The following UBE2E2 variants were observed in gnomAD, a reference collection of about 807,000 sequenced individuals.
UBE2E2 encodes the protein ubiquitin conjugating enzyme E2 E2.
In UBE2E2, 6 loss-of-function variants were observed where a neutral mutation model predicts 24.7. That is an observed-to-expected ratio of 0.24 (90% CI 0.13 to 0.48). The LOEUF (loss-of-function observed/expected upper bound fraction) is 0.48, where lower values mean the gene tolerates loss of function less well. UBE2E2 is among the 20% of genes least tolerant of loss of function. The pLI, the probability that UBE2E2 is intolerant of heterozygous loss-of-function variation, is 0.99. For missense variants in UBE2E2, 169 were observed against 245.0 expected, an observed-to-expected ratio of 0.69 and a Z score of 2.07; for synonymous variants, 104 against 83.6, an observed-to-expected ratio of 1.24 and a Z score of -1.33.
At chr3:23,325,315 A>G (rs1165316376) in intron 3 of UBE2E2, among the ~76,000 whole-genome samples, 2 of 152,182 alleles carry the variant, frequency 1.3e-5, no homozygotes, top group Admixed American at 1.3e-4. Flanking sequence ...AAATAAAAAC[A>G]TTCAATTTGT....
intron 3 of UBE2E2, among the ~76,000 whole-genome samples, chr3:23,415,060 G>A (rs1575614134): frequency 1.3e-5 from 2 of 152,196 alleles, no homozygotes; most frequent in Non-Finnish European, 2.9e-5. Flanking sequence ...TTGCTAGATA[G>A]TTCTCCTTCC....
At chr3:23,531,247 C>T (rs751928976) in intron 4 of UBE2E2, among the ~76,000 whole-genome samples, 13 of 152,156 alleles carry the variant, frequency 8.5e-5, no homozygotes, top group Non-Finnish European at 1.6e-4. Flanking sequence ...CTGCAGAGAT[C>T]TGCATGTGTG....
chr3:23,210,924 CACT>C (rs1485520145), intron 2 of UBE2E2, among the ~76,000 whole-genome samples: 1 of 152,178 alleles, frequency 6.6e-6, no homozygotes, highest in Non-Finnish European at 1.5e-5. Context: ...AATGCGGCTT[CACT>C]ACTAATTTTT....
At chr3:23,324,592 T>C (rs1054430222) in intron 3 of UBE2E2, among the ~76,000 whole-genome samples, 1 of 152,174 alleles carries the variant, frequency 6.6e-6, no homozygotes, top group Non-Finnish European at 1.5e-5. Flanking sequence ...ATTTGTTAGC[T>C]GATTTCTTAA....
chr3:23,418,740 C>T (rs558125105), intron 3 of UBE2E2, among the ~76,000 whole-genome samples: 9 of 152,184 alleles, frequency 5.9e-5, no homozygotes, highest in South Asian at 2.1e-4. Flanking sequence ...AATATTTAGA[C>T]GCTGTGACTC....
At chr3:23,385,230 C>A (rs535023647) in intron 3 of UBE2E2, among the ~76,000 whole-genome samples, 4 of 152,164 alleles carry the variant, frequency 2.6e-5, no homozygotes, top group African/African-American at 9.7e-5. Flanking sequence ...TGTTTGCAAG[C>A]GATTGTTTTA....
chr3:23,424,570 A>T (rs1257629391), intron 3 of UBE2E2, among the ~76,000 whole-genome samples: 1 of 152,112 alleles, frequency 6.6e-6, no homozygotes, highest in Non-Finnish European at 1.5e-5. Flanking sequence ...ATCTTGTACA[A>T]ATTGTAGCAC....
At position 23,251,314 on chromosome 3, in the gene UBE2E2, A is replaced by G. The variant is rs376510197; in HGVS notation, c.227+34002A>G. ...TCCTCCCAACGCCCCCCTCAAAAAGATGAAGAACCGTTATTCTCTGGGTTG... is the reference window on the plus strand; with the variant it reads ...TCCTCCCAACGCCCCCCTCAAAAAGGTGAAGAACCGTTATTCTCTGGGTTG... On this transcript the variant is annotated intron_variant, in intron 3 of 5. Coordinates refer to ENST00000396703, the MANE Select transcript of UBE2E2 (RefSeq NM_152653.4). Among the ~76,000 whole-genome samples the G allele has an allele frequency of 3.9e-5, 6 of 152,164 alleles. No homozygotes were observed. In the South Asian group the frequency reaches 6.2e-4, roughly 16 times the overall value.
intron 3 of UBE2E2, among the ~76,000 whole-genome samples, chr3:23,347,276 C>G (rs144750331): frequency 6.6e-6 from 1 of 152,138 alleles, no homozygotes; most frequent in Non-Finnish European, 1.5e-5. Context: ...TGGCACTATT[C>G]GCAGTAGCAG....
chr3:23,512,195 C>CTTTTTTT (rs5847236), intron 4 of UBE2E2, among the ~76,000 whole-genome samples: 1 of 135,928 alleles, frequency 7.4e-6, no homozygotes. Flanking sequence ...GCCTGCCTGC[C>CTTTTTTT]TTTTTTTTTT....
intron 3 of UBE2E2, among the ~76,000 whole-genome samples, chr3:23,426,329 G>A (rs773714588): frequency 1.3e-5 from 2 of 149,264 alleles, no homozygotes; most frequent in Non-Finnish European, 3.0e-5. Flanking sequence ...TTAAATATTT[G>A]AAGCAGGAAC....
intron 3 of UBE2E2, among the ~76,000 whole-genome samples, chr3:23,259,708 T>A (rs951132529): frequency 1.3e-5 from 2 of 152,202 alleles, no homozygotes; most frequent in Non-Finnish European, 2.9e-5. Context: ...TGGAAATTAT[T>A]TGGATGATTC....
chr3:23,450,155 A>G (rs1386589184), intron 3 of UBE2E2, among the ~76,000 whole-genome samples: 1 of 152,216 alleles, frequency 6.6e-6, no homozygotes, highest in African/African-American at 2.4e-5. Flanking sequence ...TGCAAGTTTA[A>G]TAAAAAGAAT....
chr3:23,264,939 T>C (rs1008350254), intron 3 of UBE2E2, among the ~76,000 whole-genome samples: 9 of 152,212 alleles, frequency 5.9e-5, no homozygotes, highest in Admixed American at 1.3e-4. Context: ...AAGTTAGATA[T>C]AGACTGAAAA....
chr3:23,465,381 C>A (rs754471715), intron 3 of UBE2E2, among the ~76,000 whole-genome samples: 3 of 152,098 alleles, frequency 2.0e-5, no homozygotes, highest in South Asian at 2.1e-4. Context: ...ATTAAAGCAC[C>A]CCCTCACCCA....
chr3:23,420,245 T>A (rs1170679079), intron 3 of UBE2E2, among the ~76,000 whole-genome samples: 1 of 152,210 alleles, frequency 6.6e-6, no homozygotes. Context: ...CATTGCATAT[T>A]GTAAGAGCCC....
At chr3:23,564,941 G>A (rs1336218647) in intron 5 of UBE2E2, among the ~76,000 whole-genome samples, 1 of 152,156 alleles carries the variant, frequency 6.6e-6, no homozygotes, top group Middle Eastern at 3.2e-3. Context: ...AGGCATATGA[G>A]AAGGGCAAGG....
chr3:23,305,017 A>C lies in UBE2E2; in HGVS notation c.227+87705A>C, dbSNP rs570909973. Among the ~76,000 whole-genome samples, 4 of 152,334 alleles carry C rather than the reference A, an allele frequency of 2.6e-5. No individual in the cohort carries two copies. In the South Asian group the frequency reaches 8.3e-4, roughly 32 times the overall value. On this transcript the variant is annotated intron_variant, in intron 3 of 5. Transcript: ENST00000396703. Reference sequence around the variant, plus strand: ...TTGATACATTTCATTATGTGATATCAAAAAGTATCATTTTTAAGTAACACC... The same window carrying C: ...TTGATACATTTCATTATGTGATATCCAAAAGTATCATTTTTAAGTAACACC...
intron 3 of UBE2E2, among the ~76,000 whole-genome samples, chr3:23,243,485 G>A (rs1697309815): frequency 2.0e-5 from 3 of 152,040 alleles, no homozygotes; most frequent in Admixed American, 2.0e-4. Context: ...GCTTCTTTCT[G>A]ATCATTTTAT....
Sources: allele counts gnomAD v4.1 joint callset (sites outside exome capture counted in the v4.1 genomes callset), GRCh38; gene constraint gnomAD v4.1.1; transcripts MANE v1.5; gene names NCBI Gene and HGNC (gene_info 2026-07-23, HGNC 2026-07-21).